AGAP3: variants seen among roughly 807,000 people sequenced by gnomAD.
The protein encoded by AGAP3 is ArfGAP with GTPase domain, ankyrin repeat and PH domain 3, also known as arf-GAP with GTPase, ANK repeat and PH domain-containing protein 3.
AGAP3 carries 24 observed loss-of-function variants against 96.9 expected under a neutral mutation model. That is an observed-to-expected ratio of 0.25 (90% CI 0.18 to 0.35). The LOEUF is 0.35. Among genes scored for constraint, AGAP3 ranks in the 10% least tolerant of loss-of-function variants. The probability of loss-of-function intolerance (pLI) is 1.00; values close to 1 mark genes in which losing one functional copy is unlikely to be tolerated. For synonymous variants in AGAP3, 563 were observed against 536.1 expected (o/e 1.05, Z -0.69); for missense variants, 876 against 1,254.2 (o/e 0.70, Z 4.55).
At chr7:151,115,690 GA>G in intron 1 of AGAP3, 1 of 1,095,494 alleles carries the variant, frequency 9.1e-7, no homozygotes, top group South Asian at 4.5e-5. Flanking sequence ...GCTCGCGGGA[GA>G]AAAGCCGGAC....
intron 1 of AGAP3, among the ~76,000 whole-genome samples, chr7:151,105,948 C>T (rs1799039327): frequency 6.6e-6 from 1 of 151,310 alleles, no homozygotes; most frequent in Non-Finnish European, 1.5e-5. Context: ...CTGCCCCCCA[C>T]ATTTAGTCTC....
intron 11 of AGAP3, among the ~76,000 whole-genome samples, chr7:151,135,420 G>T (rs1350773710): frequency 6.6e-6 from 1 of 152,240 alleles, no homozygotes; most frequent in Non-Finnish European, 1.5e-5. Flanking sequence ...GCCTGTGCTT[G>T]TCACAGTGAG....
chr7:151,104,123 G>C (rs1045067663), intron 1 of AGAP3, among the ~76,000 whole-genome samples: 1 of 152,140 alleles, frequency 6.6e-6, no homozygotes, highest in Non-Finnish European at 1.5e-5. Context: ...CCGCACAACT[G>C]TTCACCTGAT....
At chr7:151,134,701 G>A in intron 11 of AGAP3, 133 bp downstream of exon 11, 1 of 947,924 alleles carries the variant, frequency 1.1e-6, no homozygotes, top group Non-Finnish European at 1.6e-6. Context: ...GGTCATCTCA[G>A]CCAAAGACAT....
At chr7:151,124,810 C>G (rs1800088031) in intron 9 of AGAP3, among the ~76,000 whole-genome samples, 2 of 152,140 alleles carry the variant, frequency 1.3e-5, no homozygotes, top group South Asian at 2.1e-4. Context: ...CAGCCAAAGT[C>G]CATTTAGAAT....
In AGAP3 at chr7:151,086,484, G is replaced by A. The variant is rs891796582; in HGVS notation, c.-258G>A. Among the ~76,000 whole-genome samples, 72 of 147,886 alleles carry A rather than the reference G, an allele frequency of 4.9e-4. 1 individual carries two copies. The highest frequency in any genetic ancestry group is 8.3e-4 in the South Asian group (4 of 4,828). ...CGCTCCCGGTCCCGTTGTTGTTGCC[G>A]CTGGAGGCTGCTCCGAGGCAGCGGG... is the stretch of plus-strand genomic sequence containing the variant. On this transcript the variant is annotated 5_prime_UTR_variant, in exon 1 of 18. Coordinates refer to ENST00000397238, the MANE Select transcript of AGAP3 (RefSeq NM_031946.7).
chr7:151,109,519 G>T (rs1403693629), intron 1 of AGAP3, among the ~76,000 whole-genome samples: 1 of 152,116 alleles, frequency 6.6e-6, no homozygotes, highest in African/African-American at 2.4e-5. Context: ...ACTTCCCTTG[G>T]TGTCTGTCGA....
chr7:151,114,719 C>T lies in AGAP3; in HGVS notation c.332-2074C>T. 15 of 1,003,188 alleles carry T rather than the reference C, an allele frequency of 1.5e-5. No individual in the cohort carries two copies. The highest frequency in any genetic ancestry group is 1.8e-5 in the Non-Finnish European group (15 of 842,728). 62.1% of individuals were successfully genotyped at this position (1,003,188 alleles called of 1,614,324 possible). Reference sequence around the variant, plus strand: ...CCCCGGCCGCGGCCCCGGCCCGGGCCCAGCCCCGTGCCCCTCGCCATGGGC... The same window carrying T: ...CCCCGGCCGCGGCCCCGGCCCGGGCTCAGCCCCGTGCCCCTCGCCATGGGC... On this transcript the variant is annotated intron_variant, in intron 1 of 17. Transcript: ENST00000397238. This position sits in a 1 kb window ranked among gnomAD's most constrained non-coding sequence, Gnocchi z 4.4.
chr7:151,117,270 C>A, intron 3 of AGAP3, 88 bp downstream of exon 3: 2 of 1,588,668 alleles, frequency 1.3e-6, no homozygotes, highest in South Asian at 2.2e-5. Flanking sequence ...TCTCCAGCCC[C>A]CTTCCAGTCC....
At chr7:151,119,366 C>CT (rs1211532335) in intron 7 of AGAP3, 2 of 157,920 alleles carry the variant, frequency 1.3e-5, no homozygotes, top group Non-Finnish European at 1.4e-5. Context: ...AGGAGCTGCC[C>CT]TACTGTTTCT....
intron 1 of AGAP3, among the ~76,000 whole-genome samples, chr7:151,098,445 C>T (rs1373266821): frequency 1.3e-5 from 2 of 151,998 alleles, no homozygotes; most frequent in African/African-American, 2.4e-5. Context: ...GGGCAGATCA[C>T]TTGAGACCAA....
intron 1 of AGAP3, 162 bp downstream of exon 1, chr7:151,087,234 G>A: frequency 1.3e-6 from 1 of 743,380 alleles, no homozygotes; most frequent in Non-Finnish European, 2.2e-6. Context: ...AGAACCGGCG[G>A]GCAGCTTCGC....
chr7:151,095,503 G>C (rs969208075), intron 1 of AGAP3, among the ~76,000 whole-genome samples: 1 of 152,210 alleles, frequency 6.6e-6, no homozygotes, highest in East Asian at 1.9e-4. Flanking sequence ...AGCGCCTGGA[G>C]TGGGATCAAA....
intron 8 of AGAP3, chr7:151,122,662 T>C (rs1799967168): frequency 6.2e-7 from 1 of 1,603,958 alleles, no homozygotes; most frequent in Admixed American, 1.7e-5. Context: ...TCACCGGTGC[T>C]GACCGACTTG....
At chr7:151,102,243 C>T (rs775463238) in intron 1 of AGAP3, among the ~76,000 whole-genome samples, 9 of 152,230 alleles carry the variant, frequency 5.9e-5, no homozygotes. Context: ...CCCAGAGCTC[C>T]GGTGAGCCTG....
chr7:151,113,307 A>G, intron 1 of AGAP3, among the ~76,000 whole-genome samples: 1 of 152,178 alleles, frequency 6.6e-6, no homozygotes, highest in Non-Finnish European at 1.5e-5. Flanking sequence ...CCCATACAGG[A>G]AGAAGCCGTC....
chr7:151,112,396 CGTGTGTGTGTGTGTGTGTGTGT>C (rs71819427), intron 1 of AGAP3, among the ~76,000 whole-genome samples: 11 of 139,948 alleles, frequency 7.9e-5, no homozygotes, highest in East Asian at 4.3e-4. Flanking sequence ...TTCCCCGAGA[CGTGTGTGTGTGTGTGTGTGTGT>C]GTGTGTGTGT....
Position 151,139,796 on chromosome 7 carries a change from TG to T in AGAP3, c.1667-179del. The T allele has an allele frequency of 2.1e-6, 1 of 469,140 alleles. No homozygotes were observed. The highest frequency in any genetic ancestry group is 3.5e-6 in the Non-Finnish European group (1 of 281,904). 29.1% of individuals were successfully genotyped at this position (469,140 alleles called of 1,614,324 possible). Reference sequence around the variant, plus strand: ...TTTCCACATTTTCCTCCTCCAAGGCTGGGGAGCTTTGGGACTGGGAAGCCCA... The same window carrying T: ...TTTCCACATTTTCCTCCTCCAAGGCTGGGAGCTTTGGGACTGGGAAGCCCA... On this transcript the variant is annotated intron_variant, in intron 12 of 17. Transcript: ENST00000397238. The surrounding 1 kb of genome is among the most constrained non-coding windows in gnomAD (Gnocchi z 4.9).
chr7:151,117,464 T>C lies in AGAP3; in HGVS notation c.564+8T>C, dbSNP rs746753299. 3 of 1,614,172 alleles carry C rather than the reference T, an allele frequency of 1.9e-6. No individual in the cohort carries two copies. The highest frequency in any genetic ancestry group is 2.2e-5 in the South Asian group (2 of 91,086). On this transcript the variant is annotated splice_region_variant and intron_variant, in intron 4 of 17. Transcript: ENST00000397238. ...GGCCCCCCTGAGCTCCAGGTGATGC[T>C]CCTGCCCAGGGTTAGGGCCCACCGC... is the stretch of plus-strand genomic sequence containing the variant.
Sources: allele counts gnomAD v4.1 joint callset (sites outside exome capture counted in the v4.1 genomes callset), GRCh38; gene constraint gnomAD v4.1.1; non-coding constraint Gnocchi (gnomAD v3.1); transcripts MANE v1.5; gene names NCBI Gene and HGNC (gene_info 2026-07-23, HGNC 2026-07-21).